The following BACE2 variants were observed in gnomAD, a reference collection of about 807,000 sequenced individuals.
BACE2 encodes the protein beta-secretase 2, also known as 56 kDa aspartic-like protease.
In BACE2, 17 loss-of-function variants were observed where a neutral mutation model predicts 46.2. The ratio of observed to expected loss-of-function variants is 0.37; its 90% CI spans 0.25 to 0.55. The LOEUF (loss-of-function observed/expected upper bound fraction) is 0.55. BACE2 is among the 20% of genes least tolerant of loss of function. BACE2 has a pLI of 0.82. For missense variants in BACE2, 595 were observed against 698.1 expected (o/e 0.85, Z 1.66); for synonymous variants, 277 against 295.9 (o/e 0.94, Z 0.66).
chr21:41,240,443 G>T (rs1200725199), intron 3 of BACE2, among the ~76,000 whole-genome samples: 4 of 152,230 alleles, frequency 2.6e-5, no homozygotes, highest in Non-Finnish European at 5.9e-5. Context: ...CTGTGTGCGT[G>T]TGCCAGGTAC....
At chr21:41,227,887 T>G (rs1986864174) in intron 2 of BACE2, among the ~76,000 whole-genome samples, 1 of 152,138 alleles carries the variant, frequency 6.6e-6, no homozygotes. Flanking sequence ...AGATCTGTGA[T>G]TCATCCAAGT....
At chr21:41,227,006 G>A (rs1293980198) in intron 2 of BACE2, among the ~76,000 whole-genome samples, 1 of 152,228 alleles carries the variant, frequency 6.6e-6, no homozygotes, top group Non-Finnish European at 1.5e-5. Context: ...GCCCATGCAG[G>A]CTTCCGAGCA....
intron 1 of BACE2, chr21:41,177,726 C>T (rs1360566792): frequency 6.6e-6 from 1 of 152,200 alleles, no homozygotes; most frequent in Non-Finnish European, 1.5e-5. Flanking sequence ...TTCCAGGCTG[C>T]TAGTAAACAA....
chr21:41,183,989 G>C (rs1005295067), intron 1 of BACE2: 1 of 167,072 alleles, frequency 6.0e-6, no homozygotes, highest in African/African-American at 2.4e-5. Flanking sequence ...GAGGCTTAAA[G>C]TCACTGTTAA....
At chr21:41,252,855 C>T (rs1987678916) in intron 7 of BACE2, among the ~76,000 whole-genome samples, 1 of 152,096 alleles carries the variant, frequency 6.6e-6, no homozygotes, top group Admixed American at 6.5e-5. Context: ...ATGTGCTTTC[C>T]AGAAAAGGAG....
chr21:41,212,728 C>T (rs576283992), intron 1 of BACE2, among the ~76,000 whole-genome samples: 4 of 152,254 alleles, frequency 2.6e-5, no homozygotes, highest in South Asian at 2.1e-4. Flanking sequence ...CTCCCTGGTA[C>T]GTCAGACCTG....
rs530253140 is a variant in BACE2 at position 41,169,386 on chromosome 21, T to C, written c.312+811T>C. Among the ~76,000 whole-genome samples, 3 of 151,282 alleles carry C rather than the reference T, an allele frequency of 2.0e-5. No homozygotes were observed. In the East Asian group the frequency reaches 5.9e-4, roughly 30 times the overall value. ...TCAAACAGCTTTCCTTTTCTCTTAC[T>C]CTGATGTTCATTTACTAACACTTTT... is the stretch of plus-strand genomic sequence containing the variant. On this transcript the variant is annotated intron_variant, in intron 1 of 8. Transcript: ENST00000330333.
intron 1 of BACE2, chr21:41,178,993 G>T: frequency 1.2e-6 from 1 of 841,430 alleles, no homozygotes; most frequent in Non-Finnish European, 1.6e-6. Flanking sequence ...AGATGAGATT[G>T]GCTTGAGGAG....
chr21:41,259,489 C>CA (rs1987873816), intron 8 of BACE2, among the ~76,000 whole-genome samples: 1 of 149,884 alleles, frequency 6.7e-6, no homozygotes, highest in Admixed American at 6.7e-5. Context: ...GTTTAAGTAA[C>CA]AAAAAAACCT....
At chr21:41,246,179 T>G in intron 6 of BACE2, 116 bp downstream of exon 6, 1 of 593,314 alleles carries the variant, frequency 1.7e-6, no homozygotes, top group South Asian at 2.9e-5. Flanking sequence ...TTTCCAATTT[T>G]CATATTGTGT....
chr21:41,252,157 G>T (rs955686253), intron 7 of BACE2, among the ~76,000 whole-genome samples: 2 of 152,026 alleles, frequency 1.3e-5, no homozygotes, highest in Admixed American at 1.3e-4. Context: ...TAAGCAGTGC[G>T]TCCCCATGAT....
intron 8 of BACE2, among the ~76,000 whole-genome samples, chr21:41,264,445 G>C (rs1200070082): frequency 6.6e-6 from 1 of 151,878 alleles, no homozygotes; most frequent in Non-Finnish European, 1.5e-5. Context: ...CTGGGACTGG[G>C]TAATTGATTA....
At chr21:41,266,582 C>T (rs1244553520) in intron 8 of BACE2, among the ~76,000 whole-genome samples, 1 of 152,232 alleles carries the variant, frequency 6.6e-6, no homozygotes, top group Non-Finnish European at 1.5e-5. Flanking sequence ...GGCTCCATTT[C>T]TCATGGGAGA....
At chr21:41,268,968 T>G (rs1332071207) in intron 8 of BACE2, among the ~76,000 whole-genome samples, 1 of 152,180 alleles carries the variant, frequency 6.6e-6, no homozygotes, top group Non-Finnish European at 1.5e-5. Flanking sequence ...TTTTCTTTTT[T>G]TTTGAGACGG....
chr21:41,249,627 C>T (rs567062340), intron 6 of BACE2, among the ~76,000 whole-genome samples: 4 of 152,326 alleles, frequency 2.6e-5, no homozygotes, highest in African/African-American at 7.2e-5. Flanking sequence ...CACACACCTC[C>T]CCAGCGCCTG....
chr21:41,199,604 G>T (rs139754086), intron 1 of BACE2, among the ~76,000 whole-genome samples: 1 of 152,236 alleles, frequency 6.6e-6, no homozygotes, highest in African/African-American at 2.4e-5. Context: ...TCCTAGAGTG[G>T]TTCAGGCTTC....
At chr21:41,206,335 C>T (rs1350475874) in intron 1 of BACE2, among the ~76,000 whole-genome samples, 1 of 152,184 alleles carries the variant, frequency 6.6e-6, no homozygotes, top group Non-Finnish European at 1.5e-5. Flanking sequence ...ATCCTCATGA[C>T]CTAATCACCT....
intron 1 of BACE2, among the ~76,000 whole-genome samples, chr21:41,196,841 C>T (rs1039707025): frequency 1.3e-5 from 2 of 152,184 alleles, no homozygotes; most frequent in Non-Finnish European, 2.9e-5. Context: ...GTCTAGGGAT[C>T]GCTGATTCTG....
intron 1 of BACE2, chr21:41,179,472 A>C (rs367746564): frequency 8.5e-5 from 108 of 1,275,340 alleles, no homozygotes; most frequent in Admixed American, 1.9e-4. Context: ...CAGGGTGCAG[A>C]GTGAGGTGTC....
Sources: gnomAD v4.1 joint callset for allele counts (sites outside exome capture counted in the v4.1 genomes callset) on GRCh38, gnomAD v4.1.1 for gene constraint, MANE v1.5 for transcripts, NCBI Gene and HGNC (gene_info 2026-07-23, HGNC 2026-07-21) for gene names.